Variants in EDAR observed in about 807,000 individuals in gnomAD.
EDAR encodes the protein tumor necrosis factor receptor superfamily member EDAR.
Under a neutral mutation model 51.3 loss-of-function variants are expected in EDAR, and 38 were observed. The ratio of observed to expected loss-of-function variants is 0.74; its 90% confidence interval spans 0.57 to 0.97. The LOEUF (loss-of-function observed/expected upper bound fraction) is 0.97, where lower values mean the gene tolerates loss of function less well. Among genes scored for constraint, EDAR ranks in the 50% least tolerant of loss-of-function variants. The pLI, the probability that EDAR is intolerant of heterozygous loss-of-function variation, is 0.00. For missense variants in EDAR, 528 were observed against 595.0 expected, an observed-to-expected ratio of 0.89 and a Z score of 1.17; for synonymous variants, 227 against 242.1, an observed-to-expected ratio of 0.94 and a Z score of 0.58.
chr2:108,978,417 C>G (rs1271011801), intron 1 of EDAR, among the ~76,000 whole-genome samples: 2 of 152,136 alleles, frequency 1.3e-5, no homozygotes, highest in African/African-American at 2.4e-5. Flanking sequence ...TTGGTCGACT[C>G]TGCGTGTCTT....
chr2:108,962,674 CAAAAAAA>C (rs66741499), intron 1 of EDAR, among the ~76,000 whole-genome samples: 178 of 66,876 alleles, frequency 2.7e-3, no homozygotes, highest in African/African-American at 0.013. Context: ...GACTCTGTCT[CAAAAAAA>C]AAAAAAAAAA....
intron 11 of EDAR, among the ~76,000 whole-genome samples, chr2:108,901,369 G>T (rs532021580): frequency 6.6e-6 from 1 of 152,184 alleles, no homozygotes; most frequent in East Asian, 1.9e-4. Context: ...TACATACAAA[G>T]GAGGAAAACT....
intron 9 of EDAR, among the ~76,000 whole-genome samples, chr2:108,908,583 C>T (rs899101704): frequency 4.6e-5 from 7 of 152,094 alleles, no homozygotes; most frequent in Admixed American, 1.3e-4. Flanking sequence ...CAAGCCCCAG[C>T]GGGTGAGCTG....
intron 1 of EDAR, among the ~76,000 whole-genome samples, chr2:108,933,025 G>A (rs933320869): frequency 2.0e-5 from 3 of 152,108 alleles, no homozygotes; most frequent in Non-Finnish European, 4.4e-5. Flanking sequence ...GCCTTAAGAT[G>A]GTACGCTTGT....
At chr2:108,973,814 T>C (rs1316576339) in intron 1 of EDAR, among the ~76,000 whole-genome samples, 1 of 152,192 alleles carries the variant, frequency 6.6e-6, no homozygotes, top group Non-Finnish European at 1.5e-5. Flanking sequence ...CCTTCAACTT[T>C]TGAATGCCCC....
rs1382400802 is a variant in EDAR, at chr2:108,896,417, C to A, written c.*490G>T. The A allele has an allele frequency of 6.4e-6, 1 of 156,764 alleles. No homozygotes were observed. The highest frequency in any genetic ancestry group is 1.4e-5 in the Non-Finnish European group (1 of 70,536). 9.7% of individuals were successfully genotyped at this position (156,764 alleles called of 1,614,324 possible). On this transcript the variant is annotated 3_prime_UTR_variant, in exon 12 of 12. Transcript: ENST00000258443. The stretch of plus-strand genomic sequence containing the variant: ...CTTCATCATCCCAGTAGGGAGTCAT[C>A]TCCCGCTTAGAACTTCTATTAACGT...
At chr2:108,898,528 A>G (rs1287531493) in intron 11 of EDAR, among the ~76,000 whole-genome samples, 1 of 152,198 alleles carries the variant, frequency 6.6e-6, no homozygotes, top group African/African-American at 2.4e-5. Flanking sequence ...ACATAAAACT[A>G]CACAGGTCTC....
At chr2:108,976,331 G>A (rs914935091) in intron 1 of EDAR, among the ~76,000 whole-genome samples, 2 of 152,204 alleles carry the variant, frequency 1.3e-5, no homozygotes, top group African/African-American at 4.8e-5. Flanking sequence ...CTGGGGCTAT[G>A]GGTTTGAGAG....
chr2:108,972,871 C>T (rs1253830656), intron 1 of EDAR, among the ~76,000 whole-genome samples: 1 of 152,252 alleles, frequency 6.6e-6, no homozygotes, highest in Non-Finnish European at 1.5e-5. Flanking sequence ...CCTTCTTGAA[C>T]TTTCTTCTAG....
intron 1 of EDAR, among the ~76,000 whole-genome samples, chr2:108,988,057 A>G (rs1264239017): frequency 6.6e-6 from 1 of 152,234 alleles, no homozygotes; most frequent in Non-Finnish European, 1.5e-5. Flanking sequence ...ACTGGGGAAG[A>G]GGACGGTGGT....
At chr2:108,921,104 C>A (rs931617179) in intron 5 of EDAR, among the ~76,000 whole-genome samples, 1 of 152,212 alleles carries the variant, frequency 6.6e-6, no homozygotes, top group Non-Finnish European at 1.5e-5. Flanking sequence ...GAATCACCCC[C>A]CTGAAACCCT....
At position 108,923,092 on chromosome 2, in the gene EDAR, G is replaced by T. The variant is rs74921428; in HGVS notation, c.442+276C>A. 4.4e-3 allele frequency among the ~76,000 whole-genome samples: 663 copies of T among 152,262 alleles called. 3 individuals are homozygous for T. The highest frequency in any genetic ancestry group is 7.1e-3 in the Non-Finnish European group (480 of 68,014). Reference sequence around the variant, plus strand: ...CAGATGTTAGTACCCCCATATTACCGATGAGAAAACCGAGGCTCATGGAGG... The same window carrying T: ...CAGATGTTAGTACCCCCATATTACCTATGAGAAAACCGAGGCTCATGGAGG... On this transcript the variant is annotated intron_variant, in intron 5 of 11. Transcript: ENST00000258443.
chr2:108,910,410 A>G (rs1423094299), intron 9 of EDAR, 50 bp downstream of exon 9: 3 of 1,476,484 alleles, frequency 2.0e-6, no homozygotes, highest in Admixed American at 3.4e-5. Context: ...CTCCCTGCTC[A>G]GGATCCACAG....
intron 11 of EDAR, among the ~76,000 whole-genome samples, chr2:108,903,557 T>C (rs1314987821): frequency 2.6e-5 from 4 of 152,156 alleles, no homozygotes; most frequent in Non-Finnish European, 5.9e-5. Flanking sequence ...GACATGTAGA[T>C]AAATGCAACA....
At chr2:108,936,898 C>G (rs920895692) in intron 1 of EDAR, among the ~76,000 whole-genome samples, 3 of 152,234 alleles carry the variant, frequency 2.0e-5, no homozygotes, top group East Asian at 1.9e-4. Flanking sequence ...GTCCTGCTGG[C>G]CTTGCCAGCC....
At chr2:108,976,669 GTATT>G (rs1167543624) in intron 1 of EDAR, among the ~76,000 whole-genome samples, 3 of 151,976 alleles carry the variant, frequency 2.0e-5, no homozygotes, top group African/African-American at 4.8e-5. Flanking sequence ...GAACACATGG[GTATT>G]TATTTTAAAC....
intron 1 of EDAR, among the ~76,000 whole-genome samples, chr2:108,952,275 T>C (rs1177863242): frequency 1.3e-5 from 2 of 152,174 alleles, no homozygotes; most frequent in Non-Finnish European, 2.9e-5. Flanking sequence ...AATGGGTTCA[T>C]GTGAAGGGGA....
chr2:108,970,200 C>T (rs894709416), intron 1 of EDAR, among the ~76,000 whole-genome samples: 2 of 152,154 alleles, frequency 1.3e-5, no homozygotes, highest in South Asian at 4.1e-4. Context: ...CAGGCCCCTA[C>T]CCGAGGCCCA....
chr2:108,930,363 C>T (rs961020824), intron 2 of EDAR, 121 bp from the exon 3 acceptor site: 9 of 1,112,616 alleles, frequency 8.1e-6, no homozygotes, highest in South Asian at 2.6e-5. Context: ...GCTGGGGGCT[C>T]GGTCTGGGAA....
Sources: allele counts gnomAD v4.1 joint callset (sites outside exome capture counted in the v4.1 genomes callset), GRCh38; gene constraint gnomAD v4.1.1; transcripts MANE v1.5; gene names NCBI Gene and HGNC (gene_info 2026-07-23, HGNC 2026-07-21).